Variants in PTPRT observed in about 807,000 individuals in gnomAD.
The protein encoded by PTPRT is protein tyrosine phosphatase receptor type T.
In PTPRT, 56 loss-of-function variants were observed where a neutral mutation model predicts 176.8. That is an observed-to-expected ratio of 0.32 (90% CI 0.26 to 0.40). The LOEUF (loss-of-function observed/expected upper bound fraction) is 0.40, where lower values mean the gene tolerates loss of function less well. Ranked by LOEUF, PTPRT falls within the 10% of genes least tolerant of loss-of-function variation. The pLI is 1.00. For missense variants in PTPRT, 1,540 were observed against 1,908.2 expected, an observed-to-expected ratio of 0.81 and a Z score of 3.60; for synonymous variants, 783 against 739.0, an observed-to-expected ratio of 1.06 and a Z score of -0.96.
At chr20:42,856,478 C>T (rs2078565298) in intron 2 of PTPRT, among the ~76,000 whole-genome samples, 1 of 152,034 alleles carries the variant, frequency 6.6e-6, no homozygotes, top group Non-Finnish European at 1.5e-5. Context: ...TAGATCACTG[C>T]TTTGTAATCC....
In PTPRT at chr20:42,863,805, A is replaced by G. The variant is rs149066317; in HGVS notation, c.214+22002T>C. ...TCTGAGGAAAGTGGGCAGACCATGA[A>G]AAGCCCCAGATCTCAGTCAGAGGAT... On this transcript the variant is annotated intron_variant, in intron 2 of 30. Coordinates refer to ENST00000373187, the MANE Select transcript of PTPRT (RefSeq NM_007050.6). Among the ~76,000 whole-genome samples, 107 of 152,326 alleles carry G rather than the reference A, an allele frequency of 7.0e-4. No individual in the cohort carries two copies. In the East Asian group the frequency reaches 0.019, roughly 26 times the overall value.
chr20:42,973,638 G>A (rs557314505), intron 1 of PTPRT, among the ~76,000 whole-genome samples: 1 of 152,264 alleles, frequency 6.6e-6, no homozygotes, highest in African/African-American at 2.4e-5. Flanking sequence ...GCACATAGCA[G>A]GTACTTAAAT....
At chr20:42,680,177 A>G (rs1488991464) in intron 6 of PTPRT, among the ~76,000 whole-genome samples, 1 of 152,194 alleles carries the variant, frequency 6.6e-6, no homozygotes, top group Admixed American at 6.5e-5. Context: ...ATTACCTAGA[A>G]GCAAAGATTC....
At chr20:42,989,006 C>G (rs1435864085) in intron 1 of PTPRT, among the ~76,000 whole-genome samples, 2 of 152,196 alleles carry the variant, frequency 1.3e-5, no homozygotes, top group African/African-American at 4.8e-5. Flanking sequence ...CATAAGGTCT[C>G]AGGATAACAT....
At chr20:42,717,138 T>G (rs960228890) in intron 6 of PTPRT, among the ~76,000 whole-genome samples, 4 of 151,654 alleles carry the variant, frequency 2.6e-5, no homozygotes, top group African/African-American at 9.7e-5. Context: ...TATACATATG[T>G]AACTAACCTG....
chr20:42,065,351 C>T, the PTPRT span, among the ~76,000 whole-genome samples: 2 of 152,248 alleles, frequency 1.3e-5, no homozygotes, highest in Non-Finnish European at 2.9e-5. Flanking sequence ...AGGATGTAGA[C>T]ATCCATGACT....
At chr20:43,042,397 C>T (rs1392475947) in intron 1 of PTPRT, among the ~76,000 whole-genome samples, 2 of 152,134 alleles carry the variant, frequency 1.3e-5, no homozygotes, top group Non-Finnish European at 2.9e-5. Flanking sequence ...CAAAGCCAAA[C>T]TTGTCCTGCC....
chr20:42,495,561 T>C (rs1404966949), intron 7 of PTPRT, among the ~76,000 whole-genome samples: 22 of 152,176 alleles, frequency 1.4e-4, no homozygotes, highest in Non-Finnish European at 3.1e-4. Flanking sequence ...ACACAGACCA[T>C]CCACAAGTGG....
At chr20:43,124,954 T>C (rs2146366206) in intron 1 of PTPRT, among the ~76,000 whole-genome samples, 1 of 152,152 alleles carries the variant, frequency 6.6e-6, no homozygotes, top group African/African-American at 2.4e-5. Context: ...ATAAGGAAAT[T>C]AGAGCTCAAA....
chr20:42,699,968 G>A (rs567133397), intron 6 of PTPRT, among the ~76,000 whole-genome samples: 15 of 152,188 alleles, frequency 9.9e-5, no homozygotes, highest in African/African-American at 1.9e-4. Context: ...GTCATGTGCC[G>A]CTTTCCTACC....
chr20:42,611,663 C>T (rs776999688), intron 7 of PTPRT, among the ~76,000 whole-genome samples: 53 of 152,194 alleles, frequency 3.5e-4, no homozygotes, highest in Admixed American at 1.5e-3. Context: ...GGAATGACAG[C>T]GACTGAACTT....
At chr20:42,483,545 G>A (rs2071420773) in intron 7 of PTPRT, among the ~76,000 whole-genome samples, 1 of 152,138 alleles carries the variant, frequency 6.6e-6, no homozygotes, top group Admixed American at 6.6e-5. Context: ...CGCCCAGTTG[G>A]GTATGTGTCC....
chr20:43,009,039 T>C (rs1229154687), intron 1 of PTPRT, among the ~76,000 whole-genome samples: 1 of 152,154 alleles, frequency 6.6e-6, no homozygotes, highest in Non-Finnish European at 1.5e-5. Flanking sequence ...GAGTTCTTGT[T>C]CAGCTAATGA....
intron 9 of PTPRT, among the ~76,000 whole-genome samples, chr20:42,391,511 CCTCAGGCCT>C (rs1306186453): frequency 1.3e-5 from 2 of 152,124 alleles, no homozygotes; most frequent in Non-Finnish European, 2.9e-5. Context: ...TTCCAGGGCA[CCTCAGGCCT>C]GGACGACTCC....
At chr20:42,434,880 T>G (rs536565266) in intron 9 of PTPRT, among the ~76,000 whole-genome samples, 5 of 151,988 alleles carry the variant, frequency 3.3e-5, no homozygotes, top group Admixed American at 2.6e-4. Context: ...CATAAGAATC[T>G]CTTGAACCTA....
At chr20:42,942,045 G>A (rs775753094) in intron 1 of PTPRT, among the ~76,000 whole-genome samples, 4 of 152,182 alleles carry the variant, frequency 2.6e-5, no homozygotes, top group Admixed American at 1.3e-4. Context: ...AGGAGAAAAG[G>A]GTTGAGCCCG....
intron 15 of PTPRT, among the ~76,000 whole-genome samples, chr20:42,203,527 C>A (rs2055375487): frequency 6.6e-6 from 1 of 152,198 alleles, no homozygotes. Context: ...CTCCACTGGT[C>A]ACCTCCTCTT....
chr20:42,961,067 C>A (rs985858096), intron 1 of PTPRT, among the ~76,000 whole-genome samples: 1 of 151,744 alleles, frequency 6.6e-6, no homozygotes, highest in African/African-American at 2.4e-5. Context: ...AAAAACAATT[C>A]TTTTTTTAAA....
At chr20:42,565,894 CA>C (rs1295866586) in intron 7 of PTPRT, among the ~76,000 whole-genome samples, 3 of 151,982 alleles carry the variant, frequency 2.0e-5, no homozygotes, top group African/African-American at 7.2e-5. Flanking sequence ...TTTATTAATG[CA>C]ATTTTCTCTG....
Sources: gnomAD v4.1 joint callset for allele counts (sites outside exome capture counted in the v4.1 genomes callset) on GRCh38, gnomAD v4.1.1 for gene constraint, MANE v1.5 for transcripts, NCBI Gene and HGNC (gene_info 2026-07-23, HGNC 2026-07-21) for gene names.